Variants in LRAT observed in about 807,000 individuals in gnomAD.
The protein encoded by LRAT is lecithin retinol acyltransferase (phosphatidylcholine--retinol O-acyltransferase).
LRAT carries 11 observed loss-of-function variants against 14.2 expected under a neutral mutation model. The ratio of observed to expected loss-of-function variants is 0.78; its 90% confidence interval spans 0.49 to 1.29. LRAT has a LOEUF of 1.29. Among genes scored for constraint, LRAT ranks in the 50% most tolerant of loss-of-function variants. LRAT has a pLI of 0.00. For missense variants in LRAT, 274 were observed against 292.4 expected (o/e 0.94, Z 0.46); for synonymous variants, 144 against 124.8 (o/e 1.15, Z -1.03).
rs1010347467 is a variant in LRAT at position 154,744,813 on chromosome 4, C to A, written c.487C>A (p.His163Asn). ...CAGCCTGCTGTGGAACAACTGCGAGCACTTCGTGACCTACTGCAGATATGG... is the reference window on the plus strand; with the variant it reads ...CAGCCTGCTGTGGAACAACTGCGAGAACTTCGTGACCTACTGCAGATATGG... ...PYSLLWNNCE[H>N]FVTYCRYGTP... Residue 163 changes from histidine to asparagine, a missense_variant, in exon 2 of 3, where the codon CAC becomes AAC. Physicochemically the swap from His to Asn is moderately conservative, Grantham distance 68. Coordinates refer to ENST00000336356, the MANE Select transcript of LRAT (RefSeq NM_004744.5). 1 of 1,613,854 alleles carries A rather than the reference C, an allele frequency of 6.2e-7. No homozygotes were observed. The highest frequency in any genetic ancestry group is 8.5e-7 in the Non-Finnish European group (1 of 1,180,018).
chr4:154,747,572 A>G (rs567441627), intron 2 of LRAT, among the ~76,000 whole-genome samples: 2 of 152,290 alleles, frequency 1.3e-5, no homozygotes, highest in South Asian at 4.1e-4. Context: ...AGGGTATTAG[A>G]CATGAGTTGC....
At chr4:154,742,400 A>G (rs1732784468), upstream of LRAT, among the ~76,000 whole-genome samples, 1 of 152,040 alleles carries the variant, frequency 6.6e-6, no homozygotes, top group African/African-American at 2.4e-5. Flanking sequence ...CTGACGGCAG[A>G]TTGAGGGTGG....
In LRAT at chr4:154,744,351, G is replaced by T. The variant is rs1200624432; in HGVS notation, c.25G>T (p.Val9Leu). MKNPMLEV[V>L]SLLLEKLLLI... ...GATGAAGAACCCCATGCTGGAGGTG[G>T]TGTCTTTACTACTGGAGAAGCTGCT... Residue 9 changes from valine to leucine, a missense_variant, in exon 2 of 3, where the codon GTG (valine) becomes TTG (leucine). Coordinates refer to ENST00000336356, the MANE Select transcript of LRAT (RefSeq NM_004744.5). 6.2e-7 allele frequency: 1 copy of T among 1,614,178 alleles called. No homozygotes were observed. The highest frequency in any genetic ancestry group is 1.3e-5 in the African/African-American group (1 of 75,058).
At chr4:154,741,114 C>T (rs895930116), upstream of LRAT, among the ~76,000 whole-genome samples, 3 of 148,738 alleles carry the variant, frequency 2.0e-5, no homozygotes, top group Non-Finnish European at 4.4e-5. Flanking sequence ...ACTGACCTCT[C>T]AACCACAGAA....
intron 2 of LRAT, chr4:154,745,522 G>A (rs1158123998): frequency 6.5e-6 from 1 of 152,872 alleles, no homozygotes; most frequent in African/African-American, 2.4e-5. Flanking sequence ...TCCACCCACA[G>A]TGTAGTTCAA....
At chr4:154,743,101 G>C (rs1319749297), upstream of LRAT, among the ~76,000 whole-genome samples, 1 of 142,190 alleles carries the variant, frequency 7.0e-6, no homozygotes, top group Non-Finnish European at 1.5e-5. Flanking sequence ...GCAGGGACTG[G>C]ACTCGCGGGT....
intron 2 of LRAT, 124 bp from the exon 3 acceptor site, chr4:154,748,860 T>A: frequency 1.1e-6 from 1 of 903,492 alleles, no homozygotes; most frequent in African/African-American, 1.7e-5. Flanking sequence ...TTGTAAGTCA[T>A]AAGAAAAAGT....
chr4:154,741,513 T>G (rs1732768040), upstream of LRAT, among the ~76,000 whole-genome samples: 1 of 152,150 alleles, frequency 6.6e-6, no homozygotes, highest in Non-Finnish European at 1.5e-5. Flanking sequence ...TTCAAGAAAC[T>G]ATGGACACTC....
In LRAT at chr4:154,744,030, G is replaced by T. The variant is rs928031883; in HGVS notation, c.-194G>T. On this transcript the variant is annotated 5_prime_UTR_variant, in exon 1 of 3. Coordinates refer to ENST00000336356, the MANE Select transcript of LRAT (RefSeq NM_004744.5). ...CCGCGCGCGGCCCTGCCCCCGGCAC[G>T]GCCCCCAGGTGCGCTCCTTCTCCGG... 1.4e-5 allele frequency: 6 copies of T among 443,336 alleles called. No homozygotes were observed. The highest frequency in any genetic ancestry group is 2.5e-5 in the Non-Finnish European group (6 of 240,970). 27.5% of individuals were successfully genotyped at this position (443,336 alleles called of 1,614,324 possible).
intron 2 of LRAT, among the ~76,000 whole-genome samples, chr4:154,745,764 A>AAGAGGGCC (rs1347539666): frequency 2.6e-5 from 4 of 152,206 alleles, no homozygotes; most frequent in African/African-American, 9.6e-5. Context: ...AATTCCCAGT[A>AAGAGGGCC]AGAGGGCCCC....
chr4:154,745,846 G>A (rs1320067631), intron 2 of LRAT, among the ~76,000 whole-genome samples: 1 of 152,068 alleles, frequency 6.6e-6, no homozygotes, highest in African/African-American at 2.4e-5. Context: ...AATTCTTTCT[G>A]GGTTGGCTTT....
At chr4:154,748,846 T>C (rs1385479978) in intron 2 of LRAT, 138 bp from the exon 3 acceptor site, 2 of 795,082 alleles carry the variant, frequency 2.5e-6, no homozygotes, top group Non-Finnish European at 4.1e-6. Context: ...CATTGTAAAT[T>C]TTTTTGTAAG....
chr4:154,743,992 G>C (rs893813605), upstream of LRAT: 3 of 312,080 alleles, frequency 9.6e-6, no homozygotes, highest in South Asian at 4.2e-5. Context: ...AGCGAAGCCT[G>C]CACCTCCGAG....
upstream of LRAT, among the ~76,000 whole-genome samples, chr4:154,741,672 A>G (rs187671312): frequency 7.2e-5 from 11 of 152,326 alleles, no homozygotes; most frequent in African/African-American, 2.4e-4. Context: ...ACCGGGGGAA[A>G]AAGAAAAATG....
Position 154,744,532 on chromosome 4 carries a change from G to A in LRAT, c.206G>A (p.Arg69His). 3.1e-6 allele frequency: 5 copies of A among 1,614,124 alleles called. No individual in the cohort carries two copies. Among genetic ancestry groups the A allele is most frequent in the Non-Finnish European group, 4.2e-6 (5 of 1,180,026 alleles). ...THYGIYLGDN[R>H]VAHMMPDILL... is the part of the protein sequence containing the mutation. Reference sequence around the variant, plus strand: ...TATGGCATCTACCTAGGAGACAACCGTGTTGCCCACATGATGCCCGACATC... The same window carrying A: ...TATGGCATCTACCTAGGAGACAACCATGTTGCCCACATGATGCCCGACATC... Residue 69 changes from arginine to histidine, a missense_variant, in exon 2 of 3, where the codon CGT becomes CAT. Physicochemically the swap from Arg to His is conservative, Grantham distance 29 (BLOSUM62 0). Transcript: ENST00000336356.
intron 2 of LRAT, among the ~76,000 whole-genome samples, chr4:154,746,429 C>A (rs1213128872): frequency 6.6e-6 from 1 of 152,094 alleles, no homozygotes; most frequent in Non-Finnish European, 1.5e-5. Context: ...TTTTATAGAG[C>A]CACAAAAGAC....
rs915731714 is a variant in LRAT at position 154,750,826 on chromosome 4, T to C, written c.*1690T>C. The C allele has an allele frequency of 2.0e-5, 3 of 152,194 alleles. No individual in the cohort carries two copies. Among genetic ancestry groups the C allele is most frequent in the African/African-American group, 7.2e-5 (3 of 41,438 alleles). The allele number at this position is 152,194 out of a possible 1,614,324, so 9.4% of individuals were successfully genotyped here. A position where few individuals can be genotyped will look rare whatever the true frequency, so the allele number is the denominator to read the frequency against. On this transcript the variant is annotated 3_prime_UTR_variant, in exon 3 of 3. Coordinates refer to ENST00000336356, the MANE Select transcript of LRAT (RefSeq NM_004744.5). ...TTACTGTATATTACCCTTGTAGGAA[T>C]AGTTTAAGGAAATTCATTTCTTAAA...
Position 154,744,027 on chromosome 4 carries a change from C to G in LRAT, c.-197C>G, listed in dbSNP as rs1177649936. On this transcript the variant is annotated 5_prime_UTR_variant, in exon 1 of 3. Coordinates refer to ENST00000336356, the MANE Select transcript of LRAT (RefSeq NM_004744.5). Reference sequence around the variant, plus strand: ...GCACCGCGCGCGGCCCTGCCCCCGGCACGGCCCCCAGGTGCGCTCCTTCTC... The same window carrying G: ...GCACCGCGCGCGGCCCTGCCCCCGGGACGGCCCCCAGGTGCGCTCCTTCTC... 8.9e-6 allele frequency: 4 copies of G among 447,112 alleles called. No individual in the cohort carries two copies. The highest frequency in any genetic ancestry group is 1.6e-5 in the Non-Finnish European group (4 of 243,008). 27.7% of individuals were successfully genotyped at this position (447,112 alleles called of 1,614,324 possible). A position where few individuals can be genotyped will look rare whatever the true frequency, so the allele number is the denominator to read the frequency against.
chr4:154,744,070 G>T lies in LRAT; in HGVS notation c.-154G>T. 3 of 545,528 alleles carry T rather than the reference G, an allele frequency of 5.5e-6. No homozygotes were observed. Among genetic ancestry groups the T allele is most frequent in the Non-Finnish European group, 6.6e-6 (2 of 301,514 alleles). The allele number at this position is 545,528 out of a possible 1,614,324, so 33.8% of individuals were successfully genotyped here. A position where few individuals can be genotyped will look rare whatever the true frequency, so the allele number is the denominator to read the frequency against. Reference sequence around the variant, plus strand: ...TCCTTCTCCGGCTGCTTGTAGCACTGGTCTCACTGTCCCCGCCGTCAGCCA... The same window carrying T: ...TCCTTCTCCGGCTGCTTGTAGCACTTGTCTCACTGTCCCCGCCGTCAGCCA... On this transcript the variant is annotated 5_prime_UTR_variant, in exon 1 of 3. Coordinates refer to ENST00000336356, the MANE Select transcript of LRAT (RefSeq NM_004744.5).
Sources: allele counts gnomAD v4.1 joint callset (sites outside exome capture counted in the v4.1 genomes callset), GRCh38; gene constraint gnomAD v4.1.1; transcripts MANE v1.5; gene names NCBI Gene and HGNC (gene_info 2026-07-23, HGNC 2026-07-21).